USP43: variants seen among roughly 807,000 people sequenced by gnomAD.
The protein encoded by USP43 is ubiquitin specific peptidase 43.
USP43 carries 33 observed loss-of-function variants against 90.7 expected under a neutral mutation model. That is an observed-to-expected ratio of 0.36 (90% CI 0.28 to 0.49). USP43 has a LOEUF of 0.49. Among genes scored for constraint, USP43 ranks in the 20% least tolerant of loss-of-function variants. USP43 has a pLI of 0.98. For missense variants in USP43, 1,274 were observed against 1,476.4 expected (o/e 0.86, Z 2.25); for synonymous variants, 598 against 615.8 (o/e 0.97, Z 0.43).
chr17:9,720,281 G>A (rs149498580), intron 14 of USP43, among the ~76,000 whole-genome samples: 3,477 of 137,764 alleles, frequency 0.025, 67 homozygotes, highest in Non-Finnish European at 0.036. Flanking sequence ...AGCCGAGGTT[G>A]CGCCACTGCA....
chr17:9,712,824 T>C (rs1356076751), intron 14 of USP43, among the ~76,000 whole-genome samples: 1 of 152,192 alleles, frequency 6.6e-6, no homozygotes, highest in African/African-American at 2.4e-5. Flanking sequence ...TTAATGCTTC[T>C]GCTTTAATCA....
At chr17:9,692,746 T>C (rs539135722) in intron 8 of USP43, among the ~76,000 whole-genome samples, 10 of 152,350 alleles carry the variant, frequency 6.6e-5, no homozygotes, top group South Asian at 2.1e-4. Context: ...AATTGCCTCA[T>C]TGTGGGGATG....
At chr17:9,647,762 T>G in intron 1 of USP43, 1 of 147,486 alleles carries the variant, frequency 6.8e-6, no homozygotes, top group East Asian at 2.0e-4. Flanking sequence ...CCCAGCACTT[T>G]GGGAGGCCGA....
chr17:9,689,886 C>T (rs564210447), intron 8 of USP43, among the ~76,000 whole-genome samples: 1 of 152,244 alleles, frequency 6.6e-6, no homozygotes, highest in African/African-American at 2.4e-5. Flanking sequence ...TCTTCTCCCC[C>T]AGATTTAAAT....
chr17:9,692,149 A>G (rs948554682), intron 8 of USP43, among the ~76,000 whole-genome samples: 2 of 152,096 alleles, frequency 1.3e-5, no homozygotes, highest in Non-Finnish European at 2.9e-5. Context: ...GCGTGAGGTC[A>G]GGAGTTCAAG....
intron 9 of USP43, 112 bp from the exon 10 acceptor site, chr17:9,700,060 T>C: frequency 9.7e-7 from 1 of 1,035,640 alleles, no homozygotes; most frequent in Non-Finnish European, 1.4e-6. Context: ...CAGTTTTGGG[T>C]ATTTCTGTTT....
At chr17:9,652,151 G>A (rs111376904) in intron 1 of USP43, among the ~76,000 whole-genome samples, 2,025 of 148,866 alleles carry the variant, frequency 0.014, 43 homozygotes, top group African/African-American at 0.046. Flanking sequence ...TTGAGAGGCC[G>A]AGATGGGAGG....
In USP43 at chr17:9,646,112, G is replaced by A. The variant is rs1428552896; in HGVS notation, c.480G>A (p.Thr160=). The change falls in exon 1 of 15, where the codon ACG becomes ACA. Residue 160 remains threonine, a synonymous_variant. Coordinates refer to ENST00000285199, the MANE Select transcript of USP43 (RefSeq NM_153210.5). ...LVRALWTREY[T]PQLSAEFKNA... ...GCGCGCTCTGGACTCGCGAATACAC[G>A]CCCCAACTTTCCGCGGAGTTCAAGG... 2.7e-6 allele frequency: 4 copies of A among 1,486,902 alleles called. No homozygotes were observed. Among genetic ancestry groups the A allele is most frequent in the East Asian group, 5.7e-5 (2 of 35,282 alleles). 92.1% of individuals were successfully genotyped at this position (1,486,902 alleles called of 1,614,324 possible).
intron 14 of USP43, among the ~76,000 whole-genome samples, chr17:9,716,484 C>T (rs1916578348): frequency 2.6e-5 from 4 of 152,092 alleles, no homozygotes; most frequent in South Asian, 2.1e-4. Context: ...CTTGGAGATA[C>T]ATAGTTCTCT....
intron 5 of USP43, among the ~76,000 whole-genome samples, chr17:9,679,940 TTTTTGTTCACA>T (rs1474785627): frequency 6.6e-6 from 1 of 152,198 alleles, no homozygotes; most frequent in Non-Finnish European, 1.5e-5. Context: ...AAACACTCAC[TTTTTGTTCACA>T]TGAAGAGGGC....
intron 14 of USP43, among the ~76,000 whole-genome samples, chr17:9,716,001 G>C (rs1050169209): frequency 2.8e-5 from 4 of 142,294 alleles, no homozygotes; most frequent in African/African-American, 1.1e-4. Flanking sequence ...GTATCTGTGT[G>C]TGTGTCTGTG....
At chr17:9,705,373 T>C (rs1384154268) in intron 12 of USP43, among the ~76,000 whole-genome samples, 1 of 152,116 alleles carries the variant, frequency 6.6e-6, no homozygotes, top group African/African-American at 2.4e-5. Context: ...CATCTTCTTT[T>C]ATAAATGTAA....
Position 9,701,516 on chromosome 17 carries a change from G to A in USP43, c.1827G>A (p.Pro609=), listed in dbSNP as rs1485355434. ...RNKLSTLVKF[P]LSGLNMAPHV... is the part of the protein sequence containing the mutation. ...AGCTCTCCACGCTGGTGAAGTTTCC[G>A]CTCTCTGGACTCAACATGGCTCCCC... The change falls in exon 12 of 15, where the codon CCG becomes CCA. Residue 609 remains proline, a synonymous_variant. Coordinates refer to ENST00000285199, the MANE Select transcript of USP43 (RefSeq NM_153210.5). The surrounding 1 kb of genome is among the most constrained non-coding windows in gnomAD (Gnocchi z 7.2). 18 of 1,566,636 alleles carry A rather than the reference G, an allele frequency of 1.1e-5. No individual in the cohort carries two copies. Among genetic ancestry groups the A allele is most frequent in the East Asian group, 4.7e-5 (2 of 42,114 alleles).
chr17:9,662,690 C>T (rs1912729231), intron 2 of USP43, among the ~76,000 whole-genome samples: 1 of 152,188 alleles, frequency 6.6e-6, no homozygotes, highest in Admixed American at 6.5e-5. Flanking sequence ...CAAGTTAAAG[C>T]ATCTCTCCGA....
chr17:9,705,280 G>T (rs1429633177), intron 12 of USP43, among the ~76,000 whole-genome samples: 1 of 144,500 alleles, frequency 6.9e-6, no homozygotes, highest in African/African-American at 2.5e-5. Context: ...TATTTACTGT[G>T]TTGCACCTGG....
chr17:9,707,120 G>T (rs1915927876), intron 12 of USP43, among the ~76,000 whole-genome samples: 1 of 152,070 alleles, frequency 6.6e-6, no homozygotes, highest in Non-Finnish European at 1.5e-5. Flanking sequence ...AAACTTAAAA[G>T]ATGTTAAATG....
Position 9,682,814 on chromosome 17 carries a change from C to G in USP43, c.1106-9C>G. On this transcript the variant is annotated splice_polypyrimidine_tract_variant and intron_variant, in intron 6 of 14. Transcript: ENST00000285199. ...GGAATATGAACAAATGTCATTCTCT[C>G]CCTTCTAGCTCATCCACTGGGTCTG... 1 of 1,613,356 alleles carries G rather than the reference C, an allele frequency of 6.2e-7. No individual in the cohort carries two copies. The highest frequency in any genetic ancestry group is 1.1e-5 in the South Asian group (1 of 91,012).
At chr17:9,669,530 T>C (rs1341497985) in intron 3 of USP43, among the ~76,000 whole-genome samples, 1 of 152,196 alleles carries the variant, frequency 6.6e-6, no homozygotes, top group East Asian at 1.9e-4. Flanking sequence ...GGTTGTCTTG[T>C]AGGTGCTGTG....
rs1914632445 is a variant in USP43, at chr17:9,686,971, G to C, written c.1353+62G>C. The C allele has an allele frequency of 6.7e-7, 1 of 1,482,440 alleles. No individual in the cohort carries two copies. The highest frequency in any genetic ancestry group is 1.4e-5 in the African/African-American group (1 of 72,510). The allele number at this position is 1,482,440 out of a possible 1,614,324, so 91.8% of individuals were successfully genotyped here. A position where few individuals can be genotyped will look rare whatever the true frequency, so the allele number is the denominator to read the frequency against. On this transcript the variant is annotated intron_variant, in intron 8 of 14. Coordinates refer to ENST00000285199, the MANE Select transcript of USP43 (RefSeq NM_153210.5). This position sits in a 1 kb window ranked among gnomAD's most constrained non-coding sequence, Gnocchi z 5.5. ...CATGCGCATGTGCATGCGTGTGTGT[G>C]GGTGTGTGTATTGGGAGGGGTGGAA...
Sources: gnomAD v4.1 joint callset for allele counts (sites outside exome capture counted in the v4.1 genomes callset) on GRCh38, gnomAD v4.1.1 for gene constraint, Gnocchi (gnomAD v3.1) non-coding constraint, MANE v1.5 for transcripts, NCBI Gene and HGNC (gene_info 2026-07-23, HGNC 2026-07-21) for gene names.